The following SLC17A1 variants were observed in gnomAD, a reference collection of about 807,000 sequenced individuals.
SLC17A1 encodes the protein solute carrier family 17 member 1.
Under a neutral mutation model 53.5 loss-of-function variants are expected in SLC17A1, and 51 were observed. The ratio of observed to expected loss-of-function variants is 0.95; its 90% CI spans 0.76 to 1.20. The LOEUF (loss-of-function observed/expected upper bound fraction) is 1.20, where lower values mean the gene tolerates loss of function less well. SLC17A1 is among the 50% of genes most tolerant of loss of function. The probability of loss-of-function intolerance (pLI) is 0.00; values close to 1 mark genes in which losing one functional copy is unlikely to be tolerated. For synonymous variants in SLC17A1, 179 were observed against 198.8 expected, an observed-to-expected ratio of 0.90 and a Z score of 0.84; for missense variants, 538 against 568.2, an observed-to-expected ratio of 0.95 and a Z score of 0.54.
the SLC17A1 span, chr6:25,769,120 C>T: frequency 1.2e-6 from 2 of 1,614,010 alleles, no homozygotes; most frequent in Non-Finnish European, 1.7e-6. Flanking sequence ...CAGCCCAATG[C>T]TTCCACAGAA....
chr6:25,776,701 C>T, the SLC17A1 span: 12 of 1,613,912 alleles, frequency 7.4e-6, no homozygotes, highest in South Asian at 1.2e-4. Flanking sequence ...AGACTCATCA[C>T]CATCAGGAAA....
chr6:25,729,273 C>T, the SLC17A1 span, among the ~76,000 whole-genome samples: 2 of 152,164 alleles, frequency 1.3e-5, no homozygotes, highest in Non-Finnish European at 1.5e-5. Flanking sequence ...GTAATGCAAC[C>T]AAACAGGACA....
chr6:25,751,446 C>T, the SLC17A1 span, among the ~76,000 whole-genome samples: 1 of 152,198 alleles, frequency 6.6e-6, no homozygotes, highest in African/African-American at 2.4e-5. Flanking sequence ...TGGGCTTGGC[C>T]ATCTGACTTG....
At chr6:25,804,357 C>T (rs1300825002) in intron 10 of SLC17A1, among the ~76,000 whole-genome samples, 3 of 152,218 alleles carry the variant, frequency 2.0e-5, no homozygotes, top group South Asian at 4.1e-4. Flanking sequence ...GGATTTGTCT[C>T]TAGCAGACTA....
the SLC17A1 span, among the ~76,000 whole-genome samples, chr6:25,762,916 G>A: frequency 1.3e-5 from 2 of 152,218 alleles, no homozygotes; most frequent in South Asian, 4.1e-4. Context: ...CTATCATTCT[G>A]TCTCTCCCTT....
chr6:25,743,187 T>G, the SLC17A1 span, among the ~76,000 whole-genome samples: 1 of 152,194 alleles, frequency 6.6e-6, no homozygotes, highest in Non-Finnish European at 1.5e-5. Context: ...TACTTTTTTT[T>G]GTAAAAAGGA....
the SLC17A1 span, among the ~76,000 whole-genome samples, chr6:25,745,914 G>A: frequency 1.3e-5 from 2 of 152,200 alleles, no homozygotes; most frequent in Non-Finnish European, 2.9e-5. Context: ...TTCAGCCAAC[G>A]ATCCTGATAG....
At chr6:25,769,181 T>C in the SLC17A1 span, 2 of 1,613,712 alleles carry the variant, frequency 1.2e-6, no homozygotes, top group Non-Finnish European at 8.5e-7. Context: ...TAAAAGAATT[T>C]AAAGCAATGG....
the SLC17A1 span, among the ~76,000 whole-genome samples, chr6:25,751,505 A>T: frequency 6.6e-6 from 1 of 152,196 alleles, no homozygotes; most frequent in Non-Finnish European, 1.5e-5. Context: ...CAAAACCTGT[A>T]AGAGCAAGCA....
At chr6:25,805,209 G>A (rs1007470326) in intron 10 of SLC17A1, among the ~76,000 whole-genome samples, 2 of 151,890 alleles carry the variant, frequency 1.3e-5, no homozygotes, top group African/African-American at 4.8e-5. Flanking sequence ...TATCTTCTCA[G>A]ACCACAATGG....
chr6:25,816,852 T>G (rs1357874806), intron 6 of SLC17A1, among the ~76,000 whole-genome samples: 1 of 151,644 alleles, frequency 6.6e-6, no homozygotes, highest in African/African-American at 2.4e-5. Flanking sequence ...CAGGCCATTT[T>G]TTTTTTTTTT....
chr6:25,731,825 C>T, the SLC17A1 span: 109 of 1,601,830 alleles, frequency 6.8e-5, no homozygotes, highest in African/African-American at 5.5e-4. Context: ...TGGTGCCCTC[C>T]GACACAACGT....
At chr6:25,748,792 T>C in the SLC17A1 span, among the ~76,000 whole-genome samples, 1 of 152,232 alleles carries the variant, frequency 6.6e-6, no homozygotes, top group East Asian at 1.9e-4. Context: ...GGGAAGGCAC[T>C]ATGCCTGGAT....
the SLC17A1 span, chr6:25,731,894 G>A: frequency 1.2e-6 from 2 of 1,602,992 alleles, no homozygotes; most frequent in Non-Finnish European, 1.7e-6. Context: ...CCCTGGAGGT[G>A]ATGGTCGAGC....
intron 12 of SLC17A1, among the ~76,000 whole-genome samples, chr6:25,798,051 A>C (rs1332365843): frequency 6.6e-6 from 1 of 152,166 alleles, no homozygotes; most frequent in Non-Finnish European, 1.5e-5. Context: ...GCAAGATATT[A>C]GTGGTGGTGT....
chr6:25,823,216 A>T (rs1183201), intron 3 of SLC17A1, among the ~76,000 whole-genome samples: 98,698 of 152,016 alleles, frequency 0.65, 33,863 homozygotes, highest in African/African-American at 0.87. Context: ...TGATGGACAT[A>T]TAGGTTATTT....
intron 12 of SLC17A1, among the ~76,000 whole-genome samples, chr6:25,788,090 T>C (rs1489122226): frequency 6.6e-6 from 1 of 152,194 alleles, no homozygotes; most frequent in Non-Finnish European, 1.5e-5. Context: ...AGAGCTTAAG[T>C]GTTCCTTAAA....
chr6:25,726,497 C>G, the SLC17A1 span: 2 of 1,611,592 alleles, frequency 1.2e-6, no homozygotes, highest in Non-Finnish European at 1.7e-6. Flanking sequence ...TTGGCGCGTG[C>G]TTTTCCTCCC....
the SLC17A1 span, among the ~76,000 whole-genome samples, chr6:25,733,438 G>C: frequency 6.6e-6 from 1 of 152,062 alleles, no homozygotes; most frequent in African/African-American, 2.4e-5. Context: ...CTCCTAGGGC[G>C]CATGTTTTCT....
Sources: gnomAD v4.1 joint callset for allele counts (sites outside exome capture counted in the v4.1 genomes callset) on GRCh38, gnomAD v4.1.1 for gene constraint, MANE v1.5 for transcripts, NCBI Gene and HGNC (gene_info 2026-07-23, HGNC 2026-07-21) for gene names.